Variants in CENATAC observed in about 807,000 individuals in gnomAD.
CENATAC encodes the protein coiled-coil domain containing 84.
In CENATAC, 53 loss-of-function variants were observed where a neutral mutation model predicts 53.7. That is an observed-to-expected ratio of 0.99 (90% CI 0.79 to 1.24). The LOEUF is 1.24. Among genes scored for constraint, CENATAC ranks in the 50% most tolerant of loss-of-function variants. CENATAC has a pLI of 0.00. For synonymous variants in CENATAC, 156 were observed against 144.6 expected (o/e 1.08, Z -0.57); for missense variants, 474 against 417.8 (o/e 1.13, Z -1.17).
intron 7 of CENATAC, 74 bp from the exon 8 acceptor site, chr11:119,013,158 A>G (rs1424075250): frequency 3.5e-6 from 4 of 1,130,474 alleles, no homozygotes; most frequent in Non-Finnish European, 2.6e-6. Flanking sequence ...TGCTTTGTCT[A>G]TCGTTTCTAG....
rs192069886 is a variant in CENATAC at position 119,006,954 on chromosome 11, A to G, written c.384-3810A>G. ...ATGCCTTTCACCTTCTGCTGTGATT[A>G]TAAGGCCTCCCCGGCCACATGGAAC... On this transcript the variant is annotated intron_variant, in intron 3 of 10. Transcript: ENST00000334418. Among the ~76,000 whole-genome samples, 318 of 152,280 alleles carry G rather than the reference A, an allele frequency of 2.1e-3. 1 individual carries two copies. The highest frequency in any genetic ancestry group is 7.1e-3 in the African/African-American group (294 of 41,562).
chr11:118,999,484 G>GT (rs36071362), intron 3 of CENATAC, among the ~76,000 whole-genome samples: 1 of 152,144 alleles, frequency 6.6e-6, no homozygotes, highest in East Asian at 1.9e-4. Flanking sequence ...TTGAGACAGA[G>GT]TTTTGCTCTT....
chr11:119,013,708 C>T (rs1417581202), intron 8 of CENATAC, among the ~76,000 whole-genome samples: 4 of 151,986 alleles, frequency 2.6e-5, no homozygotes, highest in African/African-American at 9.7e-5. Context: ...CGTGATCCAC[C>T]CGCCTCGGCC....
chr11:118,998,218 C>A lies in CENATAC; in HGVS notation c.21C>A (p.Cys7Ter). The change falls in exon 1 of 11, where the codon TGC becomes TGA. Residue 7 changes from cysteine to a stop codon, truncating the protein, a stop_gained. Coordinates refer to ENST00000334418, the MANE Select transcript of CENATAC (RefSeq NM_198489.3). LOFTEE classifies it high-confidence loss of function. ...GGGCTATGGCGCCGGCGCAGCGCTGCCCTCTGTGCCGCCAGACCTTCTTCT... is the reference window on the plus strand; with the variant it reads ...GGGCTATGGCGCCGGCGCAGCGCTGACCTCTGTGCCGCCAGACCTTCTTCT... MAPAQR[C>*]PLCRQTFFCG... 6.3e-7 allele frequency: 1 copy of A among 1,582,636 alleles called. No individual in the cohort carries two copies. Among genetic ancestry groups the A allele is most frequent in the African/African-American group, 1.3e-5 (1 of 74,372 alleles).
intron 6 of CENATAC, 53 bp downstream of exon 6, chr11:119,012,056 G>A: frequency 6.2e-7 from 1 of 1,613,696 alleles, no homozygotes; most frequent in Non-Finnish European, 8.5e-7. Context: ...AGAACATTCT[G>A]CAACCTTTTG....
At position 119,012,129 on chromosome 11, in the gene CENATAC, G is replaced by A. The variant is rs782098600; in HGVS notation, c.579-20G>A. 1 of 1,614,118 alleles carries A rather than the reference G, an allele frequency of 6.2e-7. No individual in the cohort carries two copies. Among genetic ancestry groups the A allele is most frequent in the South Asian group, 1.1e-5 (1 of 91,062 alleles). ...CATGGCTCAAGGACCTCATCTGGCA[G>A]CCTGGCTCATGTTTTTCAGCCAAGT... On this transcript the variant is annotated intron_variant, in intron 6 of 10. Transcript: ENST00000334418.
At chr11:119,014,742 G>A (rs972066953) in intron 8 of CENATAC, 28 of 305,648 alleles carry the variant, frequency 9.2e-5, no homozygotes, top group Admixed American at 1.9e-4. Flanking sequence ...TAATGGCTTC[G>A]CTCAAAAGTC....
In CENATAC at chr11:119,015,060, C is replaced by T. The variant is rs781811320; in HGVS notation, c.782C>T (p.Ser261Phe). The T allele has an allele frequency of 9.3e-6, 15 of 1,610,990 alleles. 1 individual carries two copies. In the South Asian group the frequency reaches 1.4e-4, roughly 15 times the overall value. The change falls in exon 9 of 11, where the codon TCC (serine) becomes TTC (phenylalanine). Residue 261 changes from serine (S) to phenylalanine (F), a missense_variant. Ser to Phe is a radical substitution (Grantham distance 155). Transcript: ENST00000334418. The stretch of plus-strand genomic sequence containing the variant: ...GCTGGGAACCAAGAAATAGGACCAT[C>T]CTATGAAGAATTTCTTAAAGAAAGT... ...YIAGNQEIGP[S>F]YEEFLKEKEK...
intron 3 of CENATAC, chr11:118,999,350 A>G (rs1592044164): frequency 2.3e-6 from 1 of 433,364 alleles, no homozygotes; most frequent in East Asian, 3.6e-5. Flanking sequence ...GTTATCAACT[A>G]CTTAAATATG....
chr11:118,999,109 G>C lies in CENATAC; in HGVS notation c.383G>C (p.Arg128Pro). Residue 128 changes from arginine (R) to proline (P), a missense_variant and splice_region_variant, in exon 3 of 11, where the codon CGA becomes CCA. Coordinates refer to ENST00000334418, the MANE Select transcript of CENATAC (RefSeq NM_198489.3). ...KFLVTPQDYA[R>P]FKKSMVKGLD... ...CTGGTCACTCCCCAGGATTATGCGC[G>C]GTGAGTCACTGGTATGGAACGTGAA... 6.2e-7 allele frequency: 1 copy of C among 1,607,894 alleles called. No homozygotes were observed. The highest frequency in any genetic ancestry group is 2.2e-5 in the East Asian group (1 of 44,852).
At position 119,012,183 on chromosome 11, in the gene CENATAC, T is replaced by G. The variant is rs782340360; in HGVS notation, c.613T>G (p.Leu205Val). The part of the protein sequence containing the change: ...VASSLQQPSN[L>V]DLPPAPELDW... ...TTCCAGCTTACAGCAGCCCTCAAAT[T>G]TGGACCTGCCACCAGCTCCAGAGCT... Residue 205 changes from leucine (L) to valine (V), a missense_variant, in exon 7 of 11, where the codon TTG becomes GTG. Transcript: ENST00000334418. 6.2e-7 allele frequency: 1 copy of G among 1,614,172 alleles called. No homozygotes were observed. Among genetic ancestry groups the G allele is most frequent in the East Asian group, 2.2e-5 (1 of 44,874 alleles).
At chr11:119,000,598 A>C (rs141450865) in intron 3 of CENATAC, among the ~76,000 whole-genome samples, 3,543 of 151,974 alleles carry the variant, frequency 0.023, 134 homozygotes, top group African/African-American at 0.079. Flanking sequence ...TCTACTAAAA[A>C]TACAAAAATT....
intron 4 of CENATAC, 89 bp from the exon 5 acceptor site, chr11:119,011,131 TG>T: frequency 2.7e-6 from 3 of 1,125,288 alleles, no homozygotes; most frequent in South Asian, 1.3e-5. Context: ...GGTCCACGCC[TG>T]GGGGTGGAGG....
At chr11:119,001,906 A>T in intron 3 of CENATAC, 2 of 242,638 alleles carry the variant, frequency 8.2e-6, no homozygotes, top group African/African-American at 4.5e-5. Flanking sequence ...AGAAATACGA[A>T]TTTTTTTTTA....
intron 2 of CENATAC, 147 bp downstream of exon 2, chr11:118,998,740 G>T (rs1942139022): frequency 8.6e-7 from 1 of 1,162,890 alleles, no homozygotes. Flanking sequence ...GCCTTGTTAG[G>T]GTAGGGGTCA....
intron 3 of CENATAC, among the ~76,000 whole-genome samples, chr11:119,007,630 T>C (rs1942667072): frequency 6.6e-6 from 1 of 152,196 alleles, no homozygotes; most frequent in South Asian, 2.1e-4. Context: ...TCTAGGGCTA[T>C]AAGTGTGCAC....
intron 3 of CENATAC, among the ~76,000 whole-genome samples, chr11:119,008,753 G>C (rs1942729551): frequency 6.6e-6 from 1 of 152,188 alleles, no homozygotes; most frequent in African/African-American, 2.4e-5. Flanking sequence ...ATCACATGGA[G>C]AGAAACCTTG....
Position 119,015,764 on chromosome 11 carries a change from A to C in CENATAC, c.*166A>C. ...AAATGTACAGCTGGTTGGACCTGTA[A>C]AAAAAAATTAAAAGAATCAGAACCA... On this transcript the variant is annotated 3_prime_UTR_variant, in exon 11 of 11. Coordinates refer to ENST00000334418, the MANE Select transcript of CENATAC (RefSeq NM_198489.3). 1 of 1,298,816 alleles carries C rather than the reference A, an allele frequency of 7.7e-7. No homozygotes were observed. Among genetic ancestry groups the C allele is most frequent in the African/African-American group, 1.5e-5 (1 of 67,384 alleles). 80.5% of individuals were successfully genotyped at this position (1,298,816 alleles called of 1,614,324 possible).
At chr11:119,002,899 C>A (rs1346084571) in intron 3 of CENATAC, 1 of 331,718 alleles carries the variant, frequency 3.0e-6, no homozygotes, top group Non-Finnish European at 5.9e-6. Flanking sequence ...AATTCTCCTG[C>A]CTCAGCCTCC....
Sources: allele counts gnomAD v4.1 joint callset (sites outside exome capture counted in the v4.1 genomes callset), GRCh38; gene constraint gnomAD v4.1.1; transcripts MANE v1.5; gene names NCBI Gene and HGNC (gene_info 2026-07-23, HGNC 2026-07-21).